Variants in FHIT observed in about 807,000 individuals in gnomAD.
FHIT encodes fragile histidine triad diadenosine triphosphatase, also known as bis(5'-adenosyl)-triphosphatase.
FHIT carries 19 observed loss-of-function variants against 17.9 expected under a neutral mutation model. The ratio of observed to expected loss-of-function variants is 1.06; its 90% confidence interval spans 0.74 to 1.56. The LOEUF is 1.56. FHIT is among the 40% of genes most tolerant of loss of function. FHIT has a pLI of 0.00. For missense variants in FHIT, 248 were observed against 189.2 expected (o/e 1.31, Z -1.82); for synonymous variants, 81 against 69.7 (o/e 1.16, Z -0.81).
At chr3:60,138,456 G>A (rs947728704) in intron 5 of FHIT, among the ~76,000 whole-genome samples, 8 of 152,262 alleles carry the variant, frequency 5.3e-5, no homozygotes, top group African/African-American at 1.9e-4. Context: ...CCTGTAGACA[G>A]AAATTTTCTC....
At chr3:60,643,859 T>C (rs1559608564) in intron 4 of FHIT, among the ~76,000 whole-genome samples, 2 of 152,222 alleles carry the variant, frequency 1.3e-5, no homozygotes, top group African/African-American at 4.8e-5. Context: ...TTTTGGGATC[T>C]GGAATCTATG....
chr3:60,363,741 A>G (rs753968723), intron 5 of FHIT, among the ~76,000 whole-genome samples: 3 of 152,140 alleles, frequency 2.0e-5, no homozygotes, highest in Non-Finnish European at 4.4e-5. Context: ...GTGAACTCCA[A>G]CAAGCTTCCC....
At chr3:60,027,739 T>C (rs1393061087) in intron 5 of FHIT, among the ~76,000 whole-genome samples, 1 of 146,436 alleles carries the variant, frequency 6.8e-6, no homozygotes. Context: ...AAAAAAAGAA[T>C]AATTCAGATT....
intron 7 of FHIT, among the ~76,000 whole-genome samples, chr3:59,956,441 G>A (rs565933891): frequency 1.6e-4 from 25 of 152,258 alleles, no homozygotes; most frequent in African/African-American, 5.5e-4. Context: ...AGGCCGAGGC[G>A]GGCAGATCTT....
At chr3:60,268,526 T>C (rs1241083556) in intron 5 of FHIT, among the ~76,000 whole-genome samples, 2 of 152,174 alleles carry the variant, frequency 1.3e-5, no homozygotes, top group African/African-American at 2.4e-5. Context: ...AGCTGGACAT[T>C]TATTGAGTAA....
At chr3:60,030,771 G>A (rs558337821) in intron 5 of FHIT, among the ~76,000 whole-genome samples, 7 of 151,930 alleles carry the variant, frequency 4.6e-5, no homozygotes, top group Non-Finnish European at 8.8e-5. Context: ...TGGGTGGGTG[G>A]TTTGAAAAAA....
intron 5 of FHIT, among the ~76,000 whole-genome samples, chr3:60,528,978 C>A (rs2035672831): frequency 6.6e-6 from 1 of 152,184 alleles, no homozygotes; most frequent in Non-Finnish European, 1.5e-5. Context: ...CCACCCATAT[C>A]CTGACCCCCA....
intron 5 of FHIT, among the ~76,000 whole-genome samples, chr3:60,176,918 G>T (rs1217292570): frequency 6.6e-6 from 1 of 152,070 alleles, no homozygotes; most frequent in African/African-American, 2.4e-5. Flanking sequence ...CAGGGAAAAG[G>T]ATCATGGAAA....
At chr3:60,449,690 A>T (rs2031588928) in intron 5 of FHIT, among the ~76,000 whole-genome samples, 1 of 152,108 alleles carries the variant, frequency 6.6e-6, no homozygotes, top group African/African-American at 2.4e-5. Flanking sequence ...ATCAAAACAT[A>T]AAAAAGATAC....
At chr3:60,104,415 T>A (rs1023144734) in intron 5 of FHIT, among the ~76,000 whole-genome samples, 2 of 152,084 alleles carry the variant, frequency 1.3e-5, no homozygotes, top group Middle Eastern at 3.2e-3. Flanking sequence ...AGTGACTTTA[T>A]ATTCAGAATA....
At chr3:59,769,334 C>CT (rs2106823289) in intron 8 of FHIT, among the ~76,000 whole-genome samples, 1 of 152,302 alleles carries the variant, frequency 6.6e-6, no homozygotes, top group African/African-American at 2.4e-5. Flanking sequence ...CACGTGCCCT[C>CT]TCTGTGCTGG....
intron 4 of FHIT, among the ~76,000 whole-genome samples, chr3:60,550,171 G>C (rs1277735790): frequency 6.6e-6 from 1 of 152,152 alleles, no homozygotes; most frequent in Non-Finnish European, 1.5e-5. Context: ...AACACAATCT[G>C]ATCTGGCCCC....
chr3:60,081,508 A>T (rs937165341), intron 5 of FHIT, among the ~76,000 whole-genome samples: 1 of 152,096 alleles, frequency 6.6e-6, no homozygotes, highest in African/African-American at 2.4e-5. Flanking sequence ...ATTAGTAATA[A>T]GGTTCTGTTC....
chr3:60,550,279 A>C (rs1002998194), intron 4 of FHIT, among the ~76,000 whole-genome samples: 2 of 152,174 alleles, frequency 1.3e-5, no homozygotes, highest in African/African-American at 4.8e-5. Context: ...AAAACATTCT[A>C]ATCTACAGGC....
At chr3:60,021,276 C>T (rs996203368) in intron 5 of FHIT, among the ~76,000 whole-genome samples, 1 of 152,162 alleles carries the variant, frequency 6.6e-6, no homozygotes, top group Non-Finnish European at 1.5e-5. Flanking sequence ...CTTGTCTAGG[C>T]AACATGCCCT....
chr3:61,063,729 T>C (rs1020367514), intron 2 of FHIT, among the ~76,000 whole-genome samples: 2 of 152,110 alleles, frequency 1.3e-5, no homozygotes, highest in African/African-American at 4.8e-5. Context: ...CTGAAACACA[T>C]GCCTCAAGGG....
intron 5 of FHIT, among the ~76,000 whole-genome samples, chr3:60,103,962 C>T (rs895426718): frequency 2.0e-5 from 3 of 152,154 alleles, no homozygotes; most frequent in African/African-American, 7.2e-5. Context: ...ATAGACACTT[C>T]TGAAGCAGAA....
At chr3:60,164,032 G>A (rs2107375877) in intron 5 of FHIT, among the ~76,000 whole-genome samples, 1 of 152,224 alleles carries the variant, frequency 6.6e-6, no homozygotes, top group Middle Eastern at 3.4e-3. Flanking sequence ...GGGCATGCCT[G>A]GCTCAAAGCA....
At chr3:60,768,964 G>A (rs1467486256) in intron 4 of FHIT, among the ~76,000 whole-genome samples, 3 of 152,158 alleles carry the variant, frequency 2.0e-5, no homozygotes, top group African/African-American at 7.2e-5. Flanking sequence ...TCTTGGAAAA[G>A]ACATATACTC....
Sources: allele counts gnomAD v4.1 joint callset (sites outside exome capture counted in the v4.1 genomes callset), GRCh38; gene constraint gnomAD v4.1.1; transcripts MANE v1.5; gene names NCBI Gene and HGNC (gene_info 2026-07-23, HGNC 2026-07-21).